GALNT6: variants seen among roughly 807,000 people sequenced by gnomAD.
GALNT6 encodes GalNAc transferase 6.
In GALNT6, 51 loss-of-function variants were observed where a neutral mutation model predicts 65.9. The observed-to-expected ratio is 0.77, with a 90% CI of 0.62 to 0.98. The LOEUF (loss-of-function observed/expected upper bound fraction) is 0.98. Among genes scored for constraint, GALNT6 ranks in the 50% least tolerant of loss-of-function variants. GALNT6 has a pLI of 0.00. For missense variants in GALNT6, 708 were observed against 803.3 expected (o/e 0.88, Z 1.43); for synonymous variants, 323 against 315.1 (o/e 1.02, Z -0.26).
At chr12:51,384,691 CAA>C (rs747557675) in intron 2 of GALNT6, among the ~76,000 whole-genome samples, 3 of 89,346 alleles carry the variant, frequency 3.4e-5, no homozygotes, top group Non-Finnish European at 4.2e-5. Context: ...GACTCTGTCT[CAA>C]AAAAAAAAAA....
At chr12:51,383,709 C>G (rs537398384) in intron 2 of GALNT6, 1 of 152,168 alleles carries the variant, frequency 6.6e-6, no homozygotes, top group East Asian at 1.9e-4. Flanking sequence ...CATCCTGAAC[C>G]GAAATGAGAC....
At chr12:51,391,030 C>G (rs1948069335) in intron 1 of GALNT6, 93 bp from the exon 2 acceptor site, 1 of 152,502 alleles carries the variant, frequency 6.6e-6, no homozygotes, top group Non-Finnish European at 1.5e-5. Flanking sequence ...TTCCCACCCC[C>G]AAAAGCCCCC....
At chr12:51,371,342 C>CAA (rs1466688421) in intron 4 of GALNT6, among the ~76,000 whole-genome samples, 4 of 152,100 alleles carry the variant, frequency 2.6e-5, no homozygotes, top group Non-Finnish European at 4.4e-5. Flanking sequence ...CTCGGCCTCT[C>CAA]AAAGTGCTGG....
At chr12:51,391,622 G>C (rs1416157368), upstream of GALNT6, 1 of 152,312 alleles carries the variant, frequency 6.6e-6, no homozygotes, top group Non-Finnish European at 1.5e-5. Context: ...AGGCAAAGCC[G>C]CAGCCGCGCC....
At chr12:51,372,835 G>A (rs951799284) in intron 4 of GALNT6, among the ~76,000 whole-genome samples, 1 of 152,198 alleles carries the variant, frequency 6.6e-6, no homozygotes, top group Non-Finnish European at 1.5e-5. Context: ...GAACCCCCAC[G>A]TCCAAGGCTA....
At chr12:51,381,473 G>A (rs1431915972) in intron 2 of GALNT6, among the ~76,000 whole-genome samples, 1 of 152,192 alleles carries the variant, frequency 6.6e-6, no homozygotes, top group Non-Finnish European at 1.5e-5. Flanking sequence ...TCAATGGCAA[G>A]GGACCTGGGC....
chr12:51,360,787 C>T lies in GALNT6; in HGVS notation c.1101G>A (p.Glu367=), dbSNP rs368036289. Residue 367 remains glutamate, a synonymous_variant, in exon 7 of 12, where the codon GAG becomes GAA. Transcript: ENST00000356317. ...GLFSISKSYF[E]HIGTYDNQME... ...TCTGATTATCATAGGTACCGATGTG[C>T]TCAAAGTAGGACTTGGAGATGGAGA... 1.2e-6 allele frequency: 2 copies of T among 1,613,718 alleles called. No homozygotes were observed. Among genetic ancestry groups the T allele is most frequent in the African/African-American group, 2.7e-5 (2 of 74,926 alleles).
intron 4 of GALNT6, among the ~76,000 whole-genome samples, chr12:51,369,705 G>T (rs1947227215): frequency 6.6e-6 from 1 of 151,952 alleles, no homozygotes; most frequent in African/African-American, 2.4e-5. Context: ...CTGCAAATCT[G>T]CCCCCCAGTC....
chr12:51,365,688 AC>A, intron 4 of GALNT6, 109 bp from the exon 5 acceptor site: 1 of 1,044,984 alleles, frequency 9.6e-7, no homozygotes, highest in Non-Finnish European at 1.4e-6. Flanking sequence ...TGAATTTTAA[AC>A]CCCCAACACC....
In GALNT6 at chr12:51,391,373, C is replaced by T. The variant is rs1592375090; in HGVS notation, c.-278G>A. On this transcript the variant is annotated 5_prime_UTR_variant, in exon 1 of 12. Transcript: ENST00000356317. ...GTCCTACCGAGGGAGGAGCTACAGGCCACCGCGACCAGCAGAGAGCGAAGG... is the reference window on the plus strand; with the variant it reads ...GTCCTACCGAGGGAGGAGCTACAGGTCACCGCGACCAGCAGAGAGCGAAGG... 1 of 153,256 alleles carries T rather than the reference C, an allele frequency of 6.5e-6. No homozygotes were observed. Among genetic ancestry groups the T allele is most frequent in the Non-Finnish European group, 1.5e-5 (1 of 68,598 alleles). 9.5% of individuals were successfully genotyped at this position (153,256 alleles called of 1,614,324 possible). A position where few individuals can be genotyped will look rare whatever the true frequency, so the allele number is the denominator to read the frequency against.
At chr12:51,362,302 AG>A (rs1386310228) in intron 6 of GALNT6, among the ~76,000 whole-genome samples, 1 of 152,134 alleles carries the variant, frequency 6.6e-6, no homozygotes, top group African/African-American at 2.4e-5. Context: ...TCACAACCAC[AG>A]GCAACCTCTA....
intron 4 of GALNT6, among the ~76,000 whole-genome samples, chr12:51,366,366 G>A (rs1267482995): frequency 1.3e-5 from 2 of 152,152 alleles, no homozygotes; most frequent in Non-Finnish European, 2.9e-5. Flanking sequence ...GCTCTTCACG[G>A]TAACGTCGAT....
chr12:51,390,387 C>T (rs939274079), intron 2 of GALNT6, among the ~76,000 whole-genome samples: 30 of 152,082 alleles, frequency 2.0e-4, no homozygotes, highest in African/African-American at 7.0e-4. Context: ...TGGTCTCGAA[C>T]TCCTGATCTC....
At position 51,354,293 on chromosome 12, in the gene GALNT6, G is replaced by C. The variant is rs972635855; in HGVS notation, c.*86C>G. 1.1e-5 allele frequency: 8 copies of C among 737,552 alleles called. No homozygotes were observed. Among genetic ancestry groups the C allele is most frequent in the Non-Finnish European group, 1.5e-5 (7 of 458,896 alleles). 45.7% of individuals were successfully genotyped at this position (737,552 alleles called of 1,614,324 possible). ...TAGAAATCCATCTTTACGGCCTCCA[G>C]AGAAGCTGGTGATCAGGTTCCCAGA... On this transcript the variant is annotated 3_prime_UTR_variant, in exon 12 of 12. Coordinates refer to ENST00000356317, the MANE Select transcript of GALNT6 (RefSeq NM_007210.4).
intron 4 of GALNT6, among the ~76,000 whole-genome samples, chr12:51,372,768 C>T (rs139019006): frequency 6.6e-6 from 1 of 152,328 alleles, no homozygotes; most frequent in East Asian, 1.9e-4. Context: ...GAGTTGCCTA[C>T]CTGGGCACTT....
chr12:51,362,978 C>T (rs1270325050), intron 6 of GALNT6, among the ~76,000 whole-genome samples: 1 of 151,988 alleles, frequency 6.6e-6, no homozygotes, highest in Non-Finnish European at 1.5e-5. Flanking sequence ...GCTGGGATTA[C>T]AGGTGTGGGC....
chr12:51,368,309 T>C (rs1289253052), intron 4 of GALNT6, among the ~76,000 whole-genome samples: 1 of 151,844 alleles, frequency 6.6e-6, no homozygotes, highest in African/African-American at 2.4e-5. Context: ...AGCTGTTCTT[T>C]AGTCACTGTC....
At chr12:51,380,270 C>G (rs75775470) in intron 2 of GALNT6, among the ~76,000 whole-genome samples, 16,036 of 152,198 alleles carry the variant, frequency 0.11, 953 homozygotes, top group Admixed American at 0.17. Context: ...CTGGTAGATG[C>G]AAACCAAGAG....
chr12:51,372,691 GCTACTCTGC>G (rs1162178169), intron 4 of GALNT6, among the ~76,000 whole-genome samples: 1 of 152,218 alleles, frequency 6.6e-6, no homozygotes, highest in Non-Finnish European at 1.5e-5. Flanking sequence ...CTGAACACAG[GCTACTCTGC>G]CTGTTAGATG....
Sources: gnomAD v4.1 joint callset for allele counts (sites outside exome capture counted in the v4.1 genomes callset) on GRCh38, gnomAD v4.1.1 for gene constraint, MANE v1.5 for transcripts, NCBI Gene and HGNC (gene_info 2026-07-23, HGNC 2026-07-21) for gene names.